Variants in ZNF618 observed in about 807,000 individuals in gnomAD.
ZNF618 encodes the protein zinc finger protein 618.
In ZNF618, 34 loss-of-function variants were observed where a neutral mutation model predicts 103.0. The ratio of observed to expected loss-of-function variants is 0.33; its 90% CI spans 0.25 to 0.44. ZNF618 has a LOEUF of 0.44. Among genes scored for constraint, ZNF618 ranks in the 20% least tolerant of loss-of-function variants. The probability of loss-of-function intolerance (pLI) is 1.00; values close to 1 mark genes in which losing one functional copy is unlikely to be tolerated. For missense variants in ZNF618, 1,059 were observed against 1,295.4 expected, an observed-to-expected ratio of 0.82 and a Z score of 2.80; for synonymous variants, 551 against 542.2, an observed-to-expected ratio of 1.02 and a Z score of -0.23.
chr9:113,969,237 T>C, intron 2 of ZNF618, 77 bp downstream of exon 2: 1 of 1,557,584 alleles, frequency 6.4e-7, no homozygotes, highest in African/African-American at 1.4e-5. Flanking sequence ...CACTCTCTGG[T>C]CCTCATCTTC....
At chr9:114,015,590 A>G (rs890776081) in intron 9 of ZNF618, among the ~76,000 whole-genome samples, 1 of 152,136 alleles carries the variant, frequency 6.6e-6, no homozygotes, top group African/African-American at 2.4e-5. Flanking sequence ...CCTCTCTTGA[A>G]TTTTTCCACA....
At chr9:113,964,972 A>ATT (rs758210380) in intron 1 of ZNF618, among the ~76,000 whole-genome samples, 1 of 126,328 alleles carries the variant, frequency 7.9e-6, no homozygotes, top group African/African-American at 3.0e-5. Flanking sequence ...GAGAGATAGG[A>ATT]TTTTTTTTTT....
chr9:113,919,479 G>T (rs755663338), intron 1 of ZNF618, among the ~76,000 whole-genome samples: 1 of 152,272 alleles, frequency 6.6e-6, no homozygotes, highest in Non-Finnish European at 1.5e-5. Context: ...GTATGTGTGT[G>T]TGCATCCCTG....
chr9:114,051,028 A>G lies in ZNF618; in HGVS notation c.*861A>G, dbSNP rs908929394. 3.3e-5 allele frequency: 5 copies of G among 152,758 alleles called. No individual in the cohort carries two copies. Among genetic ancestry groups the G allele is most frequent in the Admixed American group, 1.3e-4 (2 of 15,298 alleles). The allele number at this position is 152,758 out of a possible 1,614,324, so 9.5% of individuals were successfully genotyped here. ...AAAAAGACATTTTTCAGAGAAGTAT[A>G]GATACTGTCTCCACTCCCTAATAAT... On this transcript the variant is annotated 3_prime_UTR_variant, in exon 15 of 15. Coordinates refer to ENST00000374126, the MANE Select transcript of ZNF618 (RefSeq NM_001318042.2).
intron 9 of ZNF618, 145 bp from the exon 10 acceptor site, chr9:114,016,550 A>G: frequency 1.5e-6 from 1 of 659,206 alleles, no homozygotes; most frequent in Admixed American, 2.6e-5. Context: ...GGATTTGAAT[A>G]GGGGTCTTCT....
chr9:113,963,253 C>T (rs1283330382), intron 1 of ZNF618, among the ~76,000 whole-genome samples: 3 of 152,120 alleles, frequency 2.0e-5, no homozygotes, highest in Non-Finnish European at 4.4e-5. Flanking sequence ...CACCCACTGC[C>T]GAGGTCACAT....
intron 1 of ZNF618, among the ~76,000 whole-genome samples, chr9:113,963,895 G>A (rs1837101662): frequency 1.3e-5 from 2 of 152,212 alleles, no homozygotes; most frequent in African/African-American, 4.8e-5. Flanking sequence ...AGGAACTGCA[G>A]CCCCAGTCCC....
rs142483539 is a variant in ZNF618 at position 113,984,830 on chromosome 9, C to T, written c.78-3491C>T. Among the ~76,000 whole-genome samples the T allele has an allele frequency of 6.4e-3, 972 of 152,268 alleles. 26 individuals are homozygous for T. Among genetic ancestry groups the T allele is most frequent in the Admixed American group, 0.058 (886 of 15,296 alleles). The stretch of plus-strand genomic sequence containing the variant: ...TTACCCCCCGGCTTGAATGTGAATA[C>T]ACATCGTTCACTATCAGCTTCATCA... On this transcript the variant is annotated intron_variant, in intron 2 of 14. Transcript: ENST00000374126.
At chr9:113,996,461 A>G (rs1408905211) in intron 3 of ZNF618, among the ~76,000 whole-genome samples, 2 of 152,112 alleles carry the variant, frequency 1.3e-5, no homozygotes, top group Admixed American at 6.5e-5. Flanking sequence ...GCTACCCCAC[A>G]TTCTTTCTCA....
intron 3 of ZNF618, among the ~76,000 whole-genome samples, chr9:113,991,584 G>A (rs1305976610): frequency 6.6e-6 from 1 of 152,244 alleles, no homozygotes; most frequent in African/African-American, 2.4e-5. Context: ...CTCTTCAAGA[G>A]GAAGGGATAG....
At chr9:113,996,347 G>A (rs573940773) in intron 3 of ZNF618, among the ~76,000 whole-genome samples, 5 of 152,274 alleles carry the variant, frequency 3.3e-5, no homozygotes, top group South Asian at 2.1e-4. Context: ...CTACCCTTGC[G>A]TTTTTCTTCT....
chr9:113,884,180 T>C (rs896861214), intron 1 of ZNF618, among the ~76,000 whole-genome samples: 2 of 152,158 alleles, frequency 1.3e-5, no homozygotes, highest in African/African-American at 2.4e-5. Context: ...GGGGGGTCTC[T>C]TCAGTACAGC....
intron 12 of ZNF618, among the ~76,000 whole-genome samples, chr9:114,033,053 T>C (rs1844239774): frequency 6.6e-6 from 1 of 152,184 alleles, no homozygotes; most frequent in South Asian, 2.1e-4. Context: ...GCCACTGCTA[T>C]GTTTTTAGGG....
intron 6 of ZNF618, among the ~76,000 whole-genome samples, chr9:114,006,180 A>T (rs1291796700): frequency 7.9e-5 from 12 of 152,180 alleles, no homozygotes; most frequent in Non-Finnish European, 1.8e-4. Context: ...GTGGTAGAGG[A>T]TTGCATCAGA....
rs1343705121 is a variant in ZNF618 at position 114,032,645 on chromosome 9, C to G, written c.1085C>G (p.Ala362Gly). The change falls in exon 12 of 15, where the codon GCA becomes GGA. Residue 362 changes from alanine (A) to glycine (G), a missense_variant and splice_region_variant. Coordinates refer to ENST00000374126, the MANE Select transcript of ZNF618 (RefSeq NM_001318042.2). ...SGSPASKATA[A>G]ESAFSRRVEG... ...TTTCTCTCTCCTGTCCCCCACCCAG[C>G]AGAAAGCGCTTTCAGTCGGAGAGTA... is the stretch of plus-strand genomic sequence containing the variant. The G allele has an allele frequency of 3.1e-6, 5 of 1,613,842 alleles. No individual in the cohort carries two copies. Among genetic ancestry groups the G allele is most frequent in the Non-Finnish European group, 4.2e-6 (5 of 1,179,826 alleles).
At chr9:113,995,528 T>C (rs1840488869) in intron 3 of ZNF618, among the ~76,000 whole-genome samples, 1 of 152,234 alleles carries the variant, frequency 6.6e-6, no homozygotes, top group African/African-American at 2.4e-5. Context: ...TAGGTCTAAG[T>C]GCTTAGAAAG....
At chr9:113,910,929 C>T (rs1030353383) in intron 1 of ZNF618, among the ~76,000 whole-genome samples, 2 of 152,108 alleles carry the variant, frequency 1.3e-5, no homozygotes, top group African/African-American at 2.4e-5. Flanking sequence ...CTCCCAGGTC[C>T]AAGTGATTCT....
At chr9:113,975,147 G>A (rs1311949650) in intron 2 of ZNF618, among the ~76,000 whole-genome samples, 2 of 152,134 alleles carry the variant, frequency 1.3e-5, no homozygotes, top group East Asian at 1.9e-4. Flanking sequence ...GCTGGAGGGA[G>A]GGATGACGGT....
At chr9:113,986,934 A>G (rs13287637) in intron 2 of ZNF618, among the ~76,000 whole-genome samples, 9,777 of 152,296 alleles carry the variant, frequency 0.064, 400 homozygotes, top group South Asian at 0.098. Flanking sequence ...GTCTTGCCCA[A>G]GGCCACACAG....
Sources: gnomAD v4.1 joint callset for allele counts (sites outside exome capture counted in the v4.1 genomes callset) on GRCh38, gnomAD v4.1.1 for gene constraint, MANE v1.5 for transcripts, NCBI Gene and HGNC (gene_info 2026-07-23, HGNC 2026-07-21) for gene names.